The following FNBP1 variants were observed in gnomAD, a reference collection of about 807,000 sequenced individuals.
FNBP1 encodes the protein formin-binding protein 1.
A neutral mutation model predicts 90.6 loss-of-function variants in FNBP1; 26 were observed. The ratio of observed to expected loss-of-function variants is 0.29; its 90% CI spans 0.21 to 0.40. The LOEUF is 0.40. FNBP1 is among the 10% of genes least tolerant of loss of function. FNBP1 has a pLI of 1.00. For missense variants in FNBP1, 635 were observed against 768.0 expected, an observed-to-expected ratio of 0.83 and a Z score of 2.05; for synonymous variants, 260 against 265.2, an observed-to-expected ratio of 0.98 and a Z score of 0.19.
At chr9:129,961,748 C>A (rs953995606) in intron 4 of FNBP1, among the ~76,000 whole-genome samples, 5 of 152,040 alleles carry the variant, frequency 3.3e-5, no homozygotes, top group African/African-American at 4.8e-5. Flanking sequence ...CCACGCCCAG[C>A]TAATTTTTTG....
chr9:130,035,988 C>G (rs2059276897), intron 1 of FNBP1, among the ~76,000 whole-genome samples: 1 of 151,902 alleles, frequency 6.6e-6, no homozygotes, highest in Non-Finnish European at 1.5e-5. Context: ...CCAAATTACT[C>G]TCTAATATAA....
intron 6 of FNBP1, among the ~76,000 whole-genome samples, chr9:129,931,578 C>A (rs1179985949): frequency 6.6e-6 from 1 of 151,712 alleles, no homozygotes; most frequent in Admixed American, 6.6e-5. Flanking sequence ...TATACTCCAG[C>A]CTGGGCGACA....
At chr9:130,005,124 T>C (rs62583659) in intron 1 of FNBP1, among the ~76,000 whole-genome samples, 9,945 of 146,308 alleles carry the variant, frequency 0.068, 424 homozygotes, top group Middle Eastern at 0.14. Flanking sequence ...TAATCCCAGC[T>C]ACTCAGGAGG....
intron 4 of FNBP1, among the ~76,000 whole-genome samples, chr9:129,960,383 C>CAAAAAAAAAAAAAAAAAAAAAA (rs10715833): frequency 1.2e-5 from 1 of 80,454 alleles, no homozygotes; most frequent in Non-Finnish European, 2.4e-5. Flanking sequence ...GACTCCATCT[C>CAAAAAAAAAAAAAAAAAAAAAA]AAAAAAAAAA....
At chr9:130,053,027 A>C in the FNBP1 span, among the ~76,000 whole-genome samples, 1 of 152,066 alleles carries the variant, frequency 6.6e-6, no homozygotes, top group Non-Finnish European at 1.5e-5. Context: ...GAGGCAGGAG[A>C]ATCGCTTGAA....
chr9:130,041,632 T>G lies in FNBP1; in HGVS notation c.24+1320A>C, dbSNP rs1344007141. On this transcript the variant is annotated intron_variant, in intron 1 of 16. Transcript: ENST00000446176. This position sits in a 1 kb window ranked among gnomAD's most constrained non-coding sequence, Gnocchi z 4.3. ...GTAAACATCAGCGGAAATTTTGTCA[T>G]GAATCCCTTTTAGGCAGAAGATGTT... is the stretch of plus-strand genomic sequence containing the variant. Among the ~76,000 whole-genome samples, 2 of 152,276 alleles carry G rather than the reference T, an allele frequency of 1.3e-5. No homozygotes were observed. Among genetic ancestry groups the G allele is most frequent in the Non-Finnish European group, 2.9e-5 (2 of 68,050 alleles).
chr9:129,911,684 G>A (rs1407420058), intron 11 of FNBP1, among the ~76,000 whole-genome samples: 1 of 152,112 alleles, frequency 6.6e-6, no homozygotes, highest in Non-Finnish European at 1.5e-5. Context: ...TGTAATCCCA[G>A]CACTTTGGGA....
chr9:129,954,547 C>T (rs1267453697), intron 6 of FNBP1, among the ~76,000 whole-genome samples: 1 of 151,480 alleles, frequency 6.6e-6, no homozygotes, highest in East Asian at 1.9e-4. Flanking sequence ...ACTAATTTGG[C>T]TCAATGTAAA....
intron 11 of FNBP1, among the ~76,000 whole-genome samples, chr9:129,915,564 G>A (rs112669308): frequency 2.5e-3 from 388 of 152,170 alleles, no homozygotes; most frequent in African/African-American, 8.4e-3. Flanking sequence ...GGGTTTCACC[G>A]TGTTGCCCGG....
At chr9:130,029,463 T>C (rs922224049) in intron 1 of FNBP1, among the ~76,000 whole-genome samples, 1 of 152,210 alleles carries the variant, frequency 6.6e-6, no homozygotes, top group Non-Finnish European at 1.5e-5. Flanking sequence ...TCTGGGTACC[T>C]GAATAAGTCA....
upstream of FNBP1, among the ~76,000 whole-genome samples, chr9:130,043,438 C>G (rs1316846257): frequency 6.6e-6 from 1 of 152,252 alleles, no homozygotes; most frequent in African/African-American, 2.4e-5. Context: ...TCTTAGTGAC[C>G]ACTGTCTGCT....
intron 4 of FNBP1, among the ~76,000 whole-genome samples, chr9:129,971,201 A>G (rs965395182): frequency 2.0e-5 from 3 of 151,296 alleles, no homozygotes; most frequent in African/African-American, 4.9e-5. Context: ...GTGAATCTGC[A>G]TTTTTTAAAA....
chr9:129,943,334 A>C (rs1420558760), intron 6 of FNBP1, among the ~76,000 whole-genome samples: 1 of 139,224 alleles, frequency 7.2e-6, no homozygotes, highest in Non-Finnish European at 1.6e-5. Flanking sequence ...CGTTTTTATA[A>C]TTTTTTTTCC....
Position 130,023,511 on chromosome 9 carries a change from C to T in FNBP1, c.24+19441G>A, listed in dbSNP as rs548264908. Among the ~76,000 whole-genome samples, 6 of 152,278 alleles carry T rather than the reference C, an allele frequency of 3.9e-5. No homozygotes were observed. The South Asian group carries it at 1.2e-3, about 32-fold the overall frequency. On this transcript the variant is annotated intron_variant, in intron 1 of 16. Coordinates refer to ENST00000446176, the MANE Select transcript of FNBP1 (RefSeq NM_015033.3). The stretch of plus-strand genomic sequence containing the variant: ...AGCTGGGATAAAGGAGTTCAAAGCC[C>T]TGAGGTGGAAGAAGGCTGGTGCATA...
intron 11 of FNBP1, among the ~76,000 whole-genome samples, chr9:129,909,658 C>T (rs2038868259): frequency 6.6e-6 from 1 of 151,926 alleles, no homozygotes; most frequent in South Asian, 2.1e-4. Flanking sequence ...GAGTCTCACT[C>T]TGTTGCCCAG....
intron 6 of FNBP1, among the ~76,000 whole-genome samples, chr9:129,935,121 AT>A (rs11410932): frequency 0.044 from 5,567 of 127,008 alleles, 141 homozygotes; most frequent in African/African-American, 0.08. Flanking sequence ...TGTTTAGCTC[AT>A]TTTTTTTTTT....
chr9:129,911,945 A>C (rs1315429692), intron 11 of FNBP1, among the ~76,000 whole-genome samples: 1 of 151,622 alleles, frequency 6.6e-6, no homozygotes, highest in African/African-American at 2.4e-5. Flanking sequence ...AAAAAAAAAA[A>C]AACCCAAAAA....
chr9:130,022,362 G>C (rs2057918980), intron 1 of FNBP1, among the ~76,000 whole-genome samples: 1 of 151,230 alleles, frequency 6.6e-6, no homozygotes, highest in Admixed American at 6.6e-5. Context: ...GCGCCAAGAT[G>C]CCCGGTTAAT....
chr9:130,008,038 T>TAA (rs55687618), intron 1 of FNBP1, among the ~76,000 whole-genome samples: 3 of 134,922 alleles, frequency 2.2e-5, no homozygotes. Flanking sequence ...TTTTTTTCAT[T>TAA]AAAAAAAAAA....
Sources: gnomAD v4.1 joint callset for allele counts (sites outside exome capture counted in the v4.1 genomes callset) on GRCh38, gnomAD v4.1.1 for gene constraint, Gnocchi (gnomAD v3.1) non-coding constraint, MANE v1.5 for transcripts, NCBI Gene and HGNC (gene_info 2026-07-23, HGNC 2026-07-21) for gene names.